The following NHS variants were observed in gnomAD, a reference collection of about 807,000 sequenced individuals.
The protein encoded by NHS is actin remodeling regulator NHS.
NHS carries 5 observed loss-of-function variants against 72.5 expected under a neutral mutation model. The ratio of observed to expected loss-of-function variants is 0.07; its 90% confidence interval spans 0.04 to 0.14. NHS has a LOEUF of 0.14. Ranked by LOEUF, NHS falls within the 10% of genes least tolerant of loss-of-function variation. The pLI is 1.00. For missense variants in NHS, 1,072 were observed against 1,355.7 expected (o/e 0.79, Z 3.29); for synonymous variants, 464 against 547.7 (o/e 0.85, Z 2.13).
At chrX:17,450,536 A>T (rs1022387134) in intron 1 of NHS, among the ~76,000 whole-genome samples, 2 of 111,992 alleles carry the variant, frequency 1.8e-5, no homozygotes, top group African/African-American at 6.5e-5. Flanking sequence ...GCATTTGAAC[A>T]CAGTCTCGTT....
intron 1 of NHS, among the ~76,000 whole-genome samples, chrX:17,605,987 C>T (rs778244797): frequency 8.9e-6 from 1 of 112,250 alleles, no homozygotes; most frequent in South Asian, 3.7e-4. Flanking sequence ...AATTTGAATA[C>T]CTGGTGAAAA....
chrX:17,719,482 A>C lies in NHS; in HGVS notation c.915+76A>C, dbSNP rs1305153238. The C allele has an allele frequency of 1.1e-5, 9 of 804,720 alleles. No individual in the cohort carries two copies. The South Asian group carries it at 2.5e-4, about 22-fold the overall frequency. 66.3% of individuals were successfully genotyped at this position (804,720 alleles called of 1,213,427 possible). On this transcript the variant is annotated intron_variant, in intron 4 of 8. Coordinates refer to ENST00000676302, the MANE Select transcript of NHS (RefSeq NM_001291867.2). ...CACTCTTCCTTTTTTCCCTCTTTTA[A>C]CTTTATGGAAAACTTTCTTGTTTCT...
rs769979921 is a variant in NHS at position 17,726,716 on chromosome X, G to C, written c.2610G>C (p.Lys870Asn). Reference protein sequence around the residue: ...KSDGNADISEKKEPKISSGQH... With the variant: ...KSDGNADISENKEPKISSGQH... ...ATGGAAACGCAGATATTTCTGAGAA[G>C]AAAGAACCAAAGATAAGCAGTGGTC... Residue 870 changes from lysine (K) to asparagine (N), a missense_variant, in exon 7 of 9, where the codon AAG becomes AAC. Coordinates refer to ENST00000676302, the MANE Select transcript of NHS (RefSeq NM_001291867.2). 8.3e-7 allele frequency: 1 copy of C among 1,210,417 alleles called. No individual in the cohort carries two copies. Among genetic ancestry groups the C allele is most frequent in the African/African-American group, 1.7e-5 (1 of 57,315 alleles).
At chrX:17,383,165 A>G (rs2064386939) in intron 1 of NHS, among the ~76,000 whole-genome samples, 1 of 111,635 alleles carries the variant, frequency 9.0e-6, no homozygotes, top group Non-Finnish European at 1.9e-5. Context: ...TTCTGGAGTC[A>G]CCTCCCACAT....
intron 1 of NHS, among the ~76,000 whole-genome samples, chrX:17,444,307 G>A (rs903402468): frequency 3.6e-5 from 4 of 111,871 alleles, no homozygotes; most frequent in Non-Finnish European, 5.6e-5. Flanking sequence ...GCCAGGTTGG[G>A]TCAGGGACCA....
intron 4 of NHS, among the ~76,000 whole-genome samples, chrX:17,720,115 A>G (rs1298799967): frequency 1.8e-5 from 2 of 112,290 alleles, no homozygotes; most frequent in African/African-American, 6.5e-5. Context: ...GAAGAGAGAA[A>G]GAAGGTTGCA....
intron 1 of NHS, among the ~76,000 whole-genome samples, chrX:17,446,672 T>A (rs2064782717): frequency 9.4e-6 from 1 of 106,117 alleles, no homozygotes; most frequent in African/African-American, 3.5e-5. Flanking sequence ...AAAAAAAAAA[T>A]CAATAAAATA....
In NHS at chrX:17,727,043, A is replaced by C. The variant is rs1035151118; in HGVS notation, c.2937A>C (p.Lys979Asn). The C allele has an allele frequency of 1.7e-6, 2 of 1,210,088 alleles. No homozygotes were observed. The highest frequency in any genetic ancestry group is 2.2e-5 in the Admixed American group (1 of 45,785). The stretch of plus-strand genomic sequence containing the variant: ...GTACCACAGTCATTGAATGCATCAA[A>C]TCTCCAGAGAGCTCTGAATCCCAAA... ...ATGTTVIECIKSPESSESQTS... is the reference protein window; with the variant it reads ...ATGTTVIECINSPESSESQTS... The change falls in exon 7 of 9, where the codon AAA (lysine) becomes AAC (asparagine). Residue 979 changes from lysine (K) to asparagine (N), a missense_variant. Physicochemically the swap from Lys to Asn is moderately conservative, Grantham distance 94. Coordinates refer to ENST00000676302, the MANE Select transcript of NHS (RefSeq NM_001291867.2).
At chrX:17,414,015 A>G (rs1219930869) in intron 1 of NHS, among the ~76,000 whole-genome samples, 1 of 111,698 alleles carries the variant, frequency 9.0e-6, no homozygotes, top group East Asian at 2.8e-4. Context: ...TTTTTTTTCA[A>G]AGAAATAACT....
At chrX:17,550,225 C>T (rs1424637966) in intron 1 of NHS, among the ~76,000 whole-genome samples, 3 of 112,099 alleles carry the variant, frequency 2.7e-5, no homozygotes, top group Non-Finnish European at 3.8e-5. Context: ...TTGTTCCTGA[C>T]CACACACTTA....
At chrX:17,578,852 C>T (rs769701349) in intron 1 of NHS, among the ~76,000 whole-genome samples, 8 of 111,903 alleles carry the variant, frequency 7.1e-5, no homozygotes, top group Non-Finnish European at 1.5e-4. Flanking sequence ...TCTTGCGGCA[C>T]TGCTCTCATC....
intron 1 of NHS, among the ~76,000 whole-genome samples, chrX:17,466,464 C>T (rs2064871045): frequency 8.9e-6 from 1 of 112,353 alleles, no homozygotes; most frequent in South Asian, 3.7e-4. Context: ...AAGGCTAGGT[C>T]TATTTAGGCA....
intron 1 of NHS, among the ~76,000 whole-genome samples, chrX:17,646,020 C>G (rs190804665): frequency 9.0e-6 from 1 of 111,727 alleles, no homozygotes; most frequent in Non-Finnish European, 1.9e-5. Flanking sequence ...ACCGTGATCA[C>G]GGCTCACTGC....
In NHS at chrX:17,468,380, G is replaced by A. The variant is rs754508679; in HGVS notation, c.565+92058G>A. Among the ~76,000 whole-genome samples the A allele has an allele frequency of 3.6e-5, 4 of 110,450 alleles. No homozygotes were observed. The South Asian group carries it at 1.2e-3, about 32-fold the overall frequency. On this transcript the variant is annotated intron_variant, in intron 1 of 8. Transcript: ENST00000676302. ...CTGAAAGAAGGTGTCTCGCAGTGTGGAAGTTGCTGTTTCCATTCACTCTCA... is the reference window on the plus strand; with the variant it reads ...CTGAAAGAAGGTGTCTCGCAGTGTGAAAGTTGCTGTTTCCATTCACTCTCA...
chrX:17,642,750 G>T (rs914876416), intron 1 of NHS, among the ~76,000 whole-genome samples: 2 of 111,577 alleles, frequency 1.8e-5, no homozygotes, highest in Admixed American at 9.4e-5. Flanking sequence ...TTTCTCCAGG[G>T]GTCTTTGTTT....
intron 1 of NHS, chrX:17,528,539 T>C (rs1004966985): frequency 4.5e-5 from 5 of 112,141 alleles, no homozygotes; most frequent in African/African-American, 1.6e-4. Flanking sequence ...ACAGAACTCC[T>C]GATTCTGGTT....
At chrX:17,509,292 T>C (rs2065074755) in intron 1 of NHS, among the ~76,000 whole-genome samples, 1 of 110,830 alleles carries the variant, frequency 9.0e-6, no homozygotes, top group Non-Finnish European at 1.9e-5. Context: ...AGTGGTGTGA[T>C]CTTGGCCCAC....
intron 1 of NHS, among the ~76,000 whole-genome samples, chrX:17,666,055 G>A (rs1171345429): frequency 8.9e-6 from 1 of 111,817 alleles, no homozygotes; most frequent in Non-Finnish European, 1.9e-5. Flanking sequence ...GACATGGGGT[G>A]TGGGATTACC....
At chrX:17,615,786 C>G (rs188333891) in intron 1 of NHS, among the ~76,000 whole-genome samples, 3 of 92,420 alleles carry the variant, frequency 3.2e-5, no homozygotes, top group Non-Finnish European at 4.3e-5. Flanking sequence ...CCCACCCCCC[C>G]ACCCCACCGA....
Sources: allele counts gnomAD v4.1 joint callset (sites outside exome capture counted in the v4.1 genomes callset), GRCh38; gene constraint gnomAD v4.1.1; transcripts MANE v1.5; gene names NCBI Gene and HGNC (gene_info 2026-07-23, HGNC 2026-07-21).